DCC: variants seen among roughly 807,000 people sequenced by gnomAD.
DCC encodes the protein DCC netrin 1 receptor.
Under a neutral mutation model 172.5 loss-of-function variants are expected in DCC, and 58 were observed. The ratio of observed to expected loss-of-function variants is 0.34; its 90% CI spans 0.27 to 0.42. DCC has a LOEUF of 0.42. DCC is among the 10% of genes least tolerant of loss of function. The pLI, the probability that DCC is intolerant of heterozygous loss-of-function variation, is 1.00. For missense variants in DCC, 1,740 were observed against 1,791.0 expected (o/e 0.97, Z 0.51); for synonymous variants, 709 against 644.5 (o/e 1.10, Z -1.52).
At chr18:53,518,504 T>G (rs2046364289) in intron 27 of DCC, among the ~76,000 whole-genome samples, 1 of 152,114 alleles carries the variant, frequency 6.6e-6, no homozygotes, top group African/African-American at 2.4e-5. Context: ...AATGAGTAAA[T>G]GAAATGTTTA....
intron 1 of DCC, among the ~76,000 whole-genome samples, chr18:52,373,846 A>G (rs1296216574): frequency 6.6e-6 from 1 of 152,102 alleles, no homozygotes; most frequent in Non-Finnish European, 1.5e-5. Context: ...TTGCAATAAG[A>G]AAACAATCAC....
At position 53,205,387 on chromosome 18, in the gene DCC, C is replaced by T. The variant is rs374675780; in HGVS notation, c.1722+23C>T. On this transcript the variant is annotated intron_variant, in intron 10 of 28. Transcript: ENST00000442544. ...CAGGTAGGTGAAGGAATGGACCACA[C>T]TGCTTCCATCTGTTGGATGTTTCCA... The T allele has an allele frequency of 1.2e-5, 20 of 1,610,114 alleles. No individual in the cohort carries two copies. The African/African-American group carries it at 2.7e-4, about 22-fold the overall frequency.
chr18:52,457,093 G>T (rs769277968), intron 1 of DCC, among the ~76,000 whole-genome samples: 13 of 151,972 alleles, frequency 8.6e-5, no homozygotes, highest in Non-Finnish European at 1.8e-4. Flanking sequence ...GTCACAAAAG[G>T]CTCTTCACTT....
intron 12 of DCC, among the ~76,000 whole-genome samples, chr18:53,268,479 A>AAAT (rs2056708481): frequency 6.6e-6 from 1 of 152,204 alleles, no homozygotes; most frequent in Non-Finnish European, 1.5e-5. Flanking sequence ...ACCCAGAGAA[A>AAAT]TGTTAAGATG....
intron 5 of DCC, among the ~76,000 whole-genome samples, chr18:53,017,442 C>G (rs2041825103): frequency 1.3e-5 from 2 of 152,072 alleles, no homozygotes; most frequent in Non-Finnish European, 2.9e-5. Context: ...GTTTCTATCT[C>G]TAGGTATCTA....
In DCC at chr18:53,344,604, G is replaced by A. The variant is rs532807413; in HGVS notation, c.2359+4697G>A. ...TTACAAGCGTGCGCCATCGTGCCTG[G>A]CTAATTTTTGTATTTTTAGTGGAGA... is the stretch of plus-strand genomic sequence containing the variant. On this transcript the variant is annotated intron_variant, in intron 15 of 28. Transcript: ENST00000442544. 3.3e-5 allele frequency among the ~76,000 whole-genome samples: 5 copies of A among 151,462 alleles called. No individual in the cohort carries two copies. In the South Asian group the frequency reaches 8.4e-4, roughly 25 times the overall value.
intron 1 of DCC, among the ~76,000 whole-genome samples, chr18:52,344,311 T>C (rs1056508134): frequency 6.6e-6 from 1 of 152,304 alleles, no homozygotes; most frequent in Non-Finnish European, 1.5e-5. Flanking sequence ...CCTAAACCAA[T>C]GGGAAGCTTG....
rs117984938 is a variant in DCC at position 52,960,080 on chromosome 18, G to A, written c.985+34710G>A. ...ACTTTAAGTAGGCTTGGAGATACACGCACCCACGCATGCATGCACACACGC... is the reference window on the plus strand; with the variant it reads ...ACTTTAAGTAGGCTTGGAGATACACACACCCACGCATGCATGCACACACGC... On this transcript the variant is annotated intron_variant, in intron 5 of 28. Transcript: ENST00000442544. Among the ~76,000 whole-genome samples, 529 of 152,098 alleles carry A rather than the reference G, an allele frequency of 3.5e-3. 3 individuals are homozygous for A. Among genetic ancestry groups the A allele is most frequent in the Non-Finnish European group, 5.4e-3 (368 of 67,988 alleles).
intron 1 of DCC, among the ~76,000 whole-genome samples, chr18:52,729,441 G>A (rs1356409469): frequency 1.3e-5 from 2 of 152,028 alleles, no homozygotes; most frequent in Non-Finnish European, 2.9e-5. Context: ...TGTATTTTTG[G>A]TAGAGATGGG....
chr18:52,903,324 C>T (rs2039836310), intron 2 of DCC, among the ~76,000 whole-genome samples: 1 of 152,164 alleles, frequency 6.6e-6, no homozygotes, highest in East Asian at 1.9e-4. Context: ...CCCACCTCAG[C>T]CTCCCGAGTA....
chr18:52,497,278 AAAATATAT>A (rs2030808433), intron 1 of DCC, among the ~76,000 whole-genome samples: 1 of 60,990 alleles, frequency 1.6e-5, no homozygotes, highest in Admixed American at 2.0e-4. Context: ...AAAAAAAAAA[AAAATATAT>A]ATATATATAT....
intron 1 of DCC, among the ~76,000 whole-genome samples, chr18:52,616,944 A>G: frequency 6.6e-6 from 1 of 152,192 alleles, no homozygotes; most frequent in East Asian, 1.9e-4. Flanking sequence ...GTAATTTGCA[A>G]GAGAGGAGAC....
At chr18:53,194,306 A>G (rs969564651) in intron 9 of DCC, among the ~76,000 whole-genome samples, 1 of 152,050 alleles carries the variant, frequency 6.6e-6, no homozygotes, top group African/African-American at 2.4e-5. Flanking sequence ...TAGAGTATGG[A>G]GATATAACAA....
At chr18:53,299,282 C>T (rs904037933) in intron 12 of DCC, among the ~76,000 whole-genome samples, 1 of 152,152 alleles carries the variant, frequency 6.6e-6, no homozygotes, top group Non-Finnish European at 1.5e-5. Flanking sequence ...TAAATGAACA[C>T]ATTAATCCAG....
chr18:52,656,082 G>A (rs60827737), intron 1 of DCC, among the ~76,000 whole-genome samples: 8 of 109,452 alleles, frequency 7.3e-5, no homozygotes, highest in Non-Finnish European at 1.2e-4. Context: ...GTATATATAT[G>A]TGTGTGTGTG....
chr18:52,483,867 CT>C (rs1273665945), intron 1 of DCC, among the ~76,000 whole-genome samples: 3 of 151,998 alleles, frequency 2.0e-5, no homozygotes, highest in Admixed American at 2.0e-4. Flanking sequence ...TATTGTTCTG[CT>C]TTTATTATCT....
intron 25 of DCC, among the ~76,000 whole-genome samples, chr18:53,470,810 TG>T (rs1256819353): frequency 6.6e-6 from 1 of 152,166 alleles, no homozygotes; most frequent in East Asian, 1.9e-4. Flanking sequence ...ACGAGGATCA[TG>T]GGGGGAACTG....
At chr18:53,125,194 C>T (rs2043537728) in intron 7 of DCC, among the ~76,000 whole-genome samples, 1 of 151,884 alleles carries the variant, frequency 6.6e-6, no homozygotes, top group Non-Finnish European at 1.5e-5. Context: ...GCTGATCTAC[C>T]AAAGACGTAT....
intron 15 of DCC, among the ~76,000 whole-genome samples, chr18:53,354,091 C>G (rs1343868608): frequency 1.3e-5 from 2 of 152,146 alleles, no homozygotes; most frequent in African/African-American, 2.4e-5. Context: ...AGGACATGAA[C>G]TCACCCTTTT....
Sources: allele counts gnomAD v4.1 joint callset (sites outside exome capture counted in the v4.1 genomes callset), GRCh38; gene constraint gnomAD v4.1.1; transcripts MANE v1.5; gene names NCBI Gene and HGNC (gene_info 2026-07-23, HGNC 2026-07-21).